The following SYNM variants were observed in gnomAD, a reference collection of about 807,000 sequenced individuals.
The protein encoded by SYNM is desmuslin.
SYNM carries 95 observed loss-of-function variants against 104.0 expected under a neutral mutation model. That is an observed-to-expected ratio of 0.91 (90% CI 0.77 to 1.08). The LOEUF is 1.08. Among genes scored for constraint, SYNM ranks in the 50% least tolerant of loss-of-function variants. The pLI is 0.00. For missense variants in SYNM, 2,150 were observed against 2,052.2 expected (o/e 1.05, Z -0.92); for synonymous variants, 918 against 869.0 (o/e 1.06, Z -0.99).
intron 2 of SYNM, among the ~76,000 whole-genome samples, chr15:99,115,740 G>A (rs2067343048): frequency 6.6e-6 from 1 of 152,198 alleles, no homozygotes; most frequent in Non-Finnish European, 1.5e-5. Flanking sequence ...GAGATTACAG[G>A]TGTGAGCCAC....
At chr15:99,129,008 A>G (rs1221969506) in intron 3 of SYNM, 1 of 198,914 alleles carries the variant, frequency 5.0e-6, no homozygotes, top group African/African-American at 2.3e-5. Flanking sequence ...GCAGAAATTA[A>G]TGATTTCAAA....
rs1555485965 is a variant in SYNM, at chr15:99,131,751, C to T, written c.3391C>T (p.Pro1131Ser). The change falls in exon 4 of 4, where the codon CCC becomes TCC. Residue 1131 changes from proline to serine, a missense_variant. Pro to Ser is a moderately conservative substitution (Grantham distance 74). Coordinates refer to ENST00000336292, the MANE Select transcript of SYNM (RefSeq NM_145728.3). The surrounding 1 kb of genome is among the most constrained non-coding windows in gnomAD (Gnocchi z 4.3). ...SQAARHIKLG[P>S]SEVWRTERMS... ...GGCTGCAAGGCACATAAAACTCGGC[C>T]CCTCTGAAGTCTGGAGGACTGAGCG... The T allele has an allele frequency of 6.2e-7, 1 of 1,613,970 alleles. No homozygotes were observed. Among genetic ancestry groups the T allele is most frequent in the Admixed American group, 1.7e-5 (1 of 60,034 alleles).
At position 99,130,653 on chromosome 15, in the gene SYNM, T is replaced by A; in HGVS notation, c.2293T>A (p.Ser765Thr). The change falls in exon 4 of 4, where the codon TCC becomes ACC. Residue 765 changes from serine (S) to threonine (T), a missense_variant. By Grantham distance (58) the Ser-to-Thr change is moderately conservative. Coordinates refer to ENST00000336292, the MANE Select transcript of SYNM (RefSeq NM_145728.3). ...YVSGEKPEEFSVPFKVEEVED... is the reference protein window; with the variant it reads ...YVSGEKPEEFTVPFKVEEVED... The stretch of plus-strand genomic sequence containing the variant: ...CAGCGGGGAGAAGCCGGAGGAGTTT[T>A]CCGTCCCATTCAAAGTGGAGGAGGT... 6.2e-7 allele frequency: 1 copy of A among 1,613,728 alleles called. No individual in the cohort carries two copies. Among genetic ancestry groups the A allele is most frequent in the East Asian group, 2.2e-5 (1 of 44,874 alleles).
intron 1 of SYNM, among the ~76,000 whole-genome samples, chr15:99,108,799 C>T (rs1024829233): frequency 1.3e-5 from 2 of 152,212 alleles, no homozygotes; most frequent in African/African-American, 4.8e-5. Context: ...CCGTTTCTCT[C>T]TTCTGTCTGT....
At position 99,131,876 on chromosome 15, in the gene SYNM, G is replaced by C; in HGVS notation, c.3516G>C (p.Arg1172Ser). Residue 1172 changes from arginine to serine, a missense_variant, in exon 4 of 4, where the codon AGG (arginine) becomes AGC (serine). Coordinates refer to ENST00000336292, the MANE Select transcript of SYNM (RefSeq NM_145728.3). The surrounding 1 kb of genome is among the most constrained non-coding windows in gnomAD (Gnocchi z 4.3). ...CGACCGGAGCCAGCCGGTCTGTGAG[G>C]CATGTCACGCTGGGTCCCGGTCAAA... The part of the protein sequence containing the change: ...ASPTGASRSV[R>S]HVTLGPGQSP... 6.2e-7 allele frequency: 1 copy of C among 1,613,964 alleles called. No individual in the cohort carries two copies. Among genetic ancestry groups the C allele is most frequent in the Non-Finnish European group, 8.5e-7 (1 of 1,179,890 alleles).
downstream of SYNM, chr15:99,137,825 G>A (rs1596152274): frequency 9.0e-6 from 8 of 890,384 alleles, no homozygotes; most frequent in East Asian, 2.1e-4. Flanking sequence ...ACCCTGAAGG[G>A]CATCCACTGT....
intron 2 of SYNM, among the ~76,000 whole-genome samples, chr15:99,118,438 G>A (rs530676778): frequency 6.6e-6 from 1 of 152,294 alleles, no homozygotes; most frequent in South Asian, 2.1e-4. Flanking sequence ...TTGCTGAGTT[G>A]ACTGTCATCA....
At chr15:99,112,152 G>C (rs1050327813) in intron 1 of SYNM, among the ~76,000 whole-genome samples, 1 of 152,188 alleles carries the variant, frequency 6.6e-6, no homozygotes, top group African/African-American at 2.4e-5. Context: ...GCATCTTGCC[G>C]GGTGCCTTTG....
chr15:99,125,989 C>T (rs1323521249), intron 2 of SYNM, among the ~76,000 whole-genome samples: 1 of 152,250 alleles, frequency 6.6e-6, no homozygotes, highest in Non-Finnish European at 1.5e-5. Context: ...AGAACTTTGG[C>T]GCAGACATAG....
Position 99,105,956 on chromosome 15 carries a change from G to A in SYNM, c.757G>A (p.Asp253Asn). Reference protein sequence around the residue: ...GLEQLRARLEDALLRMREEYG... With the variant: ...GLEQLRARLENALLRMREEYG... ...GGAGCAGCTGCGCGCGCGGCTGGAG[G>A]ACGCGCTGCTGCGGATGCGCGAGGA... The change falls in exon 1 of 4, where the codon GAC becomes AAC. Residue 253 changes from aspartate (D) to asparagine (N), a missense_variant. By Grantham distance (23) the Asp-to-Asn change is conservative. Transcript: ENST00000336292. 1 of 1,519,560 alleles carries A rather than the reference G, an allele frequency of 6.6e-7. No individual in the cohort carries two copies. The highest frequency in any genetic ancestry group is 8.8e-7 in the Non-Finnish European group (1 of 1,139,816). The allele number at this position is 1,519,560 out of a possible 1,614,324, so 94.1% of individuals were successfully genotyped here.
At chr15:99,116,620 G>T (rs577776866) in intron 2 of SYNM, among the ~76,000 whole-genome samples, 35 of 143,780 alleles carry the variant, frequency 2.4e-4, no homozygotes, top group African/African-American at 7.7e-4. Context: ...AGGGCAGCAG[G>T]CATGTCACAT....
chr15:99,107,981 G>A (rs2067265644), intron 1 of SYNM, among the ~76,000 whole-genome samples: 1 of 144,426 alleles, frequency 6.9e-6, no homozygotes, highest in South Asian at 2.1e-4. Context: ...TTTGGTTTTG[G>A]TTTTGGTTTT....
At chr15:99,108,876 A>G (rs933468444) in intron 1 of SYNM, among the ~76,000 whole-genome samples, 3 of 152,204 alleles carry the variant, frequency 2.0e-5, no homozygotes, top group African/African-American at 7.2e-5. Context: ...GCTCTTCCTA[A>G]GGGCTAGCCC....
chr15:99,120,227 A>G (rs1479770776), intron 2 of SYNM, among the ~76,000 whole-genome samples: 2 of 152,210 alleles, frequency 1.3e-5, no homozygotes, highest in African/African-American at 2.4e-5. Flanking sequence ...ATGTACTGGG[A>G]TGCTGGGCAG....
At chr15:99,139,946 T>C (rs948657414), downstream of SYNM, 2 of 337,998 alleles carry the variant, frequency 5.9e-6, no homozygotes, top group Non-Finnish European at 5.6e-6. Context: ...ATTTGATTGC[T>C]TGTAGTAGGC....
intron 1 of SYNM, among the ~76,000 whole-genome samples, chr15:99,107,817 T>C (rs1376897954): frequency 6.6e-6 from 1 of 152,090 alleles, no homozygotes; most frequent in Admixed American, 6.5e-5. Flanking sequence ...GCCCTCAGAG[T>C]GAGGCTGGGA....
chr15:99,129,428 T>A lies in SYNM; in HGVS notation c.1068T>A (p.Asn356Lys), dbSNP rs782489690. ...TACTACAGAGGGAAAATGAAAGGAA[T>A]CTATTTTCAAGGCAGAAAGCACCTT... Reference protein sequence around the residue: ...DSLLQRENERNLFSRQKAPLA... With the variant: ...DSLLQRENERKLFSRQKAPLA... Residue 356 changes from asparagine to lysine, a missense_variant, in exon 4 of 4, where the codon AAT becomes AAA. By Grantham distance (94) the Asn-to-Lys change is moderately conservative. Coordinates refer to ENST00000336292, the MANE Select transcript of SYNM (RefSeq NM_145728.3). 6.2e-7 allele frequency: 1 copy of A among 1,614,016 alleles called. No homozygotes were observed. Among genetic ancestry groups the A allele is most frequent in the Non-Finnish European group, 8.5e-7 (1 of 1,179,898 alleles).
rs1295126753 is a variant in SYNM, at chr15:99,105,675, C to T, written c.476C>T (p.Ala159Val). Residue 159 changes from alanine to valine, a missense_variant, in exon 1 of 4, where the codon GCC becomes GTC. Ala to Val is a moderately conservative substitution (Grantham distance 64, BLOSUM62 0). Transcript: ENST00000336292. Reference sequence around the variant, plus strand: ...GACGTGAGGGAGCTGCGCGCGCGCGCCGCCAGCCTTACCATGCATTTCCGC... The same window carrying T: ...GACGTGAGGGAGCTGCGCGCGCGCGTCGCCAGCCTTACCATGCATTTCCGC... The part of the protein sequence containing the change: ...ERDVRELRAR[A>V]ASLTMHFRAR... 27 of 1,452,832 alleles carry T rather than the reference C, an allele frequency of 1.9e-5. No homozygotes were observed. The highest frequency in any genetic ancestry group is 1.1e-4 in the African/African-American group (7 of 66,562). 90.0% of individuals were successfully genotyped at this position (1,452,832 alleles called of 1,614,324 possible). A position where few individuals can be genotyped will look rare whatever the true frequency, so the allele number is the denominator to read the frequency against.
At position 99,105,966 on chromosome 15, in the gene SYNM, T is replaced by G. The variant is rs868986700; in HGVS notation, c.767T>G (p.Leu256Arg). ...QLRARLEDAL[L>R]RMREEYGIQA... ...CGCGCGCGGCTGGAGGACGCGCTGCTGCGGATGCGCGAGGAGTACGGGATA... is the reference window on the plus strand; with the variant it reads ...CGCGCGCGGCTGGAGGACGCGCTGCGGCGGATGCGCGAGGAGTACGGGATA... Residue 256 changes from leucine (L) to arginine (R), a missense_variant, in exon 1 of 4, where the codon CTG becomes CGG. Transcript: ENST00000336292. The G allele has an allele frequency of 6.6e-7, 1 of 1,514,872 alleles. No homozygotes were observed. Among genetic ancestry groups the G allele is most frequent in the Non-Finnish European group, 8.8e-7 (1 of 1,138,124 alleles). The allele number at this position is 1,514,872 out of a possible 1,614,324, so 93.8% of individuals were successfully genotyped here.
Sources: allele counts gnomAD v4.1 joint callset (sites outside exome capture counted in the v4.1 genomes callset), GRCh38; gene constraint gnomAD v4.1.1; non-coding constraint Gnocchi (gnomAD v3.1); transcripts MANE v1.5; gene names NCBI Gene and HGNC (gene_info 2026-07-23, HGNC 2026-07-21).